The following CFAP61 variants were observed in gnomAD, a reference collection of about 807,000 sequenced individuals.
CFAP61 encodes the protein cilia and flagella associated protein 61.
CFAP61 carries 107 observed loss-of-function variants against 135.6 expected under a neutral mutation model. The observed-to-expected ratio is 0.79, with a 90% confidence interval of 0.67 to 0.93. The LOEUF (loss-of-function observed/expected upper bound fraction) is 0.93. Ranked by LOEUF, CFAP61 falls within the 40% of genes least tolerant of loss-of-function variation. The probability of loss-of-function intolerance (pLI) is 0.00; values close to 1 mark genes in which losing one functional copy is unlikely to be tolerated. For missense variants in CFAP61, 1,507 were observed against 1,556.2 expected, an observed-to-expected ratio of 0.97 and a Z score of 0.53; for synonymous variants, 575 against 578.5, an observed-to-expected ratio of 0.99 and a Z score of 0.09.
At chr20:20,144,312 A>G (rs2146756131) in intron 9 of CFAP61, among the ~76,000 whole-genome samples, 1 of 152,338 alleles carries the variant, frequency 6.6e-6, no homozygotes, top group Non-Finnish European at 1.5e-5. Context: ...TAATGGACAA[A>G]AACATTAGAA....
intron 6 of CFAP61, 80 bp from the exon 7 acceptor site, chr20:20,090,764 G>C: frequency 8.2e-6 from 12 of 1,458,052 alleles, no homozygotes; most frequent in Non-Finnish European, 1.0e-5. Context: ...CTTAGAACAG[G>C]GTCTGGCACA....
At chr20:20,356,001 G>A (rs1173252981) in intron 26 of CFAP61, among the ~76,000 whole-genome samples, 1 of 139,998 alleles carries the variant, frequency 7.1e-6, no homozygotes, top group Non-Finnish European at 1.5e-5. Flanking sequence ...CACTGTGAGG[G>A]GAGGTGGTCA....
At chr20:20,221,858 A>G (rs1269017790) in intron 17 of CFAP61, 1 of 152,238 alleles carries the variant, frequency 6.6e-6, no homozygotes, top group Non-Finnish European at 1.5e-5. Context: ...GGAACACAAC[A>G]ATAAGCATTC....
chr20:20,154,070 G>C (rs2052676727), intron 9 of CFAP61, among the ~76,000 whole-genome samples: 1 of 151,996 alleles, frequency 6.6e-6, no homozygotes, highest in Non-Finnish European at 1.5e-5. Context: ...GTTAATAAAT[G>C]TGATATGTGA....
At chr20:20,149,798 A>G (rs1354329331) in intron 9 of CFAP61, among the ~76,000 whole-genome samples, 1 of 152,170 alleles carries the variant, frequency 6.6e-6, no homozygotes, top group Non-Finnish European at 1.5e-5. Context: ...GGTGAAAGAA[A>G]CTTCCAACTG....
chr20:20,148,277 A>T (rs1469512620), intron 9 of CFAP61, among the ~76,000 whole-genome samples: 1 of 152,120 alleles, frequency 6.6e-6, no homozygotes, highest in Admixed American at 6.5e-5. Context: ...TGTTTTTTCT[A>T]GTTCTGTGAA....
At chr20:20,349,154 A>G (rs2058744526) in intron 26 of CFAP61, among the ~76,000 whole-genome samples, 1 of 152,240 alleles carries the variant, frequency 6.6e-6, no homozygotes, top group South Asian at 2.1e-4. Context: ...AAACCAACAC[A>G]CAATAATCCA....
intron 26 of CFAP61, among the ~76,000 whole-genome samples, chr20:20,358,127 AGTCACACTGAGAGGAGGTG>A (rs1569336511): frequency 2.7e-5 from 3 of 112,596 alleles, no homozygotes; most frequent in Admixed American, 9.3e-5. Flanking sequence ...GAGGGGTGGT[AGTCACACTGAGAGGAGGTG>A]GTCACACTGA....
At chr20:20,072,091 C>CTTTTTTTTTTTTTTTTTTTTT (rs71198039) in intron 3 of CFAP61, among the ~76,000 whole-genome samples, 2 of 57,638 alleles carry the variant, frequency 3.5e-5, no homozygotes, top group Admixed American at 2.6e-4. Flanking sequence ...ATCTAGCAAT[C>CTTTTTTTTTTTTTTTTTTTTT]TTTTTTTTTT....
chr20:20,127,682 T>C (rs1027344330), intron 8 of CFAP61, among the ~76,000 whole-genome samples: 2 of 151,558 alleles, frequency 1.3e-5, no homozygotes, highest in African/African-American at 4.9e-5. Flanking sequence ...TTTTTAGCTT[T>C]GGTGGTTTAA....
intron 9 of CFAP61, among the ~76,000 whole-genome samples, chr20:20,158,468 C>T (rs1438168823): frequency 6.6e-6 from 1 of 151,668 alleles, no homozygotes; most frequent in African/African-American, 2.4e-5. Flanking sequence ...TACAACTACA[C>T]GTCTATTAGA....
At chr20:20,250,786 CACAAA>C (rs573095082) in intron 19 of CFAP61, among the ~76,000 whole-genome samples, 231 of 152,278 alleles carry the variant, frequency 1.5e-3, no homozygotes, top group Middle Eastern at 0.01. Flanking sequence ...AAACAACCCT[CACAAA>C]ACTGTTTAAA....
chr20:20,214,850 C>T (rs1046823175), intron 17 of CFAP61, among the ~76,000 whole-genome samples: 1 of 152,220 alleles, frequency 6.6e-6, no homozygotes, highest in Non-Finnish European at 1.5e-5. Context: ...GCCTGCAGAG[C>T]GCTGCACCTG....
intron 25 of CFAP61, among the ~76,000 whole-genome samples, chr20:20,314,110 G>T (rs2056974877): frequency 6.6e-6 from 1 of 151,518 alleles, no homozygotes; most frequent in African/African-American, 2.4e-5. Flanking sequence ...GAGAGCGAGT[G>T]CAGTGGCTCG....
At chr20:20,273,452 G>A (rs2053517271) in intron 21 of CFAP61, among the ~76,000 whole-genome samples, 1 of 152,180 alleles carries the variant, frequency 6.6e-6, no homozygotes, top group Admixed American at 6.5e-5. Flanking sequence ...TGCCAACTTA[G>A]TAGTGAATAC....
At chr20:20,297,994 C>T (rs2055772545) in intron 24 of CFAP61, among the ~76,000 whole-genome samples, 187 bp from the exon 25 acceptor site, 1 of 152,122 alleles carries the variant, frequency 6.6e-6, no homozygotes, top group Non-Finnish European at 1.5e-5. Flanking sequence ...GTCCCTGAGT[C>T]CAAGTATGTG....
At chr20:20,280,814 A>G (rs1337967869) in intron 22 of CFAP61, among the ~76,000 whole-genome samples, 1 of 152,234 alleles carries the variant, frequency 6.6e-6, no homozygotes, top group African/African-American at 2.4e-5. Flanking sequence ...CAAAGTAGCT[A>G]TACCATTTTA....
intron 9 of CFAP61, among the ~76,000 whole-genome samples, chr20:20,149,875 A>G (rs1469224743): frequency 1.3e-5 from 2 of 152,168 alleles, no homozygotes; most frequent in Non-Finnish European, 2.9e-5. Flanking sequence ...AATGGGAACC[A>G]CTGCAGAAAG....
intron 26 of CFAP61, among the ~76,000 whole-genome samples, chr20:20,350,402 G>T (rs1450421395): frequency 6.6e-6 from 1 of 152,228 alleles, no homozygotes; most frequent in Non-Finnish European, 1.5e-5. Context: ...GCTGAGGTGG[G>T]CAGATCATCT....
Sources: allele counts gnomAD v4.1 joint callset (sites outside exome capture counted in the v4.1 genomes callset), GRCh38; gene constraint gnomAD v4.1.1; transcripts MANE v1.5; gene names NCBI Gene and HGNC (gene_info 2026-07-23, HGNC 2026-07-21).